MINPP1: variants seen among roughly 807,000 people sequenced by gnomAD.
The protein encoded by MINPP1 is multiple inositol polyphosphate phosphatase 1.
Under a neutral mutation model 46.1 loss-of-function variants are expected in MINPP1, and 28 were observed. The observed-to-expected ratio is 0.61, with a 90% CI of 0.45 to 0.83. MINPP1 has a LOEUF of 0.83. Among genes scored for constraint, MINPP1 ranks in the 40% least tolerant of loss-of-function variants. The pLI is 0.00. For synonymous variants in MINPP1, 268 were observed against 249.1 expected (o/e 1.08, Z -0.72); for missense variants, 603 against 610.0 (o/e 0.99, Z 0.12).
chr10:87,513,874 G>GCCGT (rs1363513941), intron 3 of MINPP1, among the ~76,000 whole-genome samples: 6 of 152,162 alleles, frequency 3.9e-5, no homozygotes, highest in Non-Finnish European at 8.8e-5. Context: ...TATCAATAGA[G>GCCGT]CCGTATACAA....
At chr10:87,521,424 C>G (rs1293512446) in intron 4 of MINPP1, among the ~76,000 whole-genome samples, 1 of 152,148 alleles carries the variant, frequency 6.6e-6, no homozygotes, top group Non-Finnish European at 1.5e-5. Flanking sequence ...ATTCCATTTT[C>G]CTGCCTCCTC....
At chr10:87,548,698 T>C (rs1257058688) in intron 4 of MINPP1, among the ~76,000 whole-genome samples, 1 of 152,098 alleles carries the variant, frequency 6.6e-6, no homozygotes, top group African/African-American at 2.4e-5. Flanking sequence ...TTATTCCCTA[T>C]AGGCACATTT....
chr10:87,517,241 ATGATCT>A (rs1229373379), intron 3 of MINPP1, among the ~76,000 whole-genome samples: 1 of 152,248 alleles, frequency 6.6e-6, no homozygotes, highest in African/African-American at 2.4e-5. Context: ...GGAATTTAAA[ATGATCT>A]TGACCTGTTG....
At chr10:87,511,891 T>C (rs1315723327) in intron 2 of MINPP1, among the ~76,000 whole-genome samples, 1 of 152,232 alleles carries the variant, frequency 6.6e-6, no homozygotes, top group African/African-American at 2.4e-5. Context: ...ACCTTTTCTT[T>C]ACGTAAGCAA....
intron 4 of MINPP1, among the ~76,000 whole-genome samples, chr10:87,535,132 G>A (rs1236167137): frequency 1.3e-5 from 2 of 152,244 alleles, no homozygotes; most frequent in Non-Finnish European, 2.9e-5. Context: ...TGGCTTCTGT[G>A]TGGATGTAAG....
intron 4 of MINPP1, among the ~76,000 whole-genome samples, chr10:87,537,728 G>A (rs1318044608): frequency 6.6e-6 from 1 of 151,842 alleles, no homozygotes; most frequent in Non-Finnish European, 1.5e-5. Flanking sequence ...TTCCCACTCT[G>A]GCTTATGTGA....
chr10:87,540,242 A>G (rs2131835993), intron 4 of MINPP1, among the ~76,000 whole-genome samples: 1 of 152,300 alleles, frequency 6.6e-6, no homozygotes, highest in East Asian at 1.9e-4. Flanking sequence ...TGTTTATTGA[A>G]TGGTAGTGAC....
intron 3 of MINPP1, among the ~76,000 whole-genome samples, chr10:87,517,477 G>T (rs546463523): frequency 6.6e-6 from 1 of 152,014 alleles, no homozygotes; most frequent in Non-Finnish European, 1.5e-5. Flanking sequence ...TATATTTGTC[G>T]AAAGTCATCA....
Position 87,504,907 on chromosome 10 carries a change from G to A in MINPP1, c.-9G>A, listed in dbSNP as rs1369068106. The A allele has an allele frequency of 1.9e-6, 3 of 1,609,218 alleles. No individual in the cohort carries two copies. Among genetic ancestry groups the A allele is most frequent in the South Asian group, 1.1e-5 (1 of 90,720 alleles). The stretch of plus-strand genomic sequence containing the variant: ...GCTGGCTCGGCGCACTCCACTGACC[G>A]TCCCGACGATGCTACGCGCGCCCGG... On this transcript the variant is annotated 5_prime_UTR_variant, in exon 1 of 5. Coordinates refer to ENST00000371996, the MANE Select transcript of MINPP1 (RefSeq NM_004897.5).
intron 3 of MINPP1, among the ~76,000 whole-genome samples, chr10:87,513,877 G>C (rs550218896): frequency 6.6e-6 from 1 of 151,986 alleles, no homozygotes; most frequent in Non-Finnish European, 1.5e-5. Flanking sequence ...CAATAGAGCC[G>C]TATACAATAG....
intron 1 of MINPP1, chr10:87,507,818 AC>A (rs1315251421): frequency 3.7e-4 from 381 of 1,023,230 alleles, no homozygotes; most frequent in Middle Eastern, 4.8e-4. Context: ...AGCACAGGAG[AC>A]CCAAAACATC....
intron 4 of MINPP1, among the ~76,000 whole-genome samples, chr10:87,532,960 T>G (rs901278894): frequency 4.0e-5 from 6 of 149,848 alleles, no homozygotes; most frequent in Non-Finnish European, 5.9e-5. Flanking sequence ...TTTTTCCTGA[T>G]CTCTTCTATC....
chr10:87,536,707 A>C (rs1851740769), intron 4 of MINPP1, among the ~76,000 whole-genome samples: 2 of 152,146 alleles, frequency 1.3e-5, no homozygotes, highest in Non-Finnish European at 2.9e-5. Context: ...TGTAAGATTC[A>C]TCTGTGTTGC....
At position 87,505,584 on chromosome 10, in the gene MINPP1, G is replaced by C. The variant is rs749403575; in HGVS notation, c.637+32G>C. On this transcript the variant is annotated intron_variant, in intron 1 of 4. Coordinates refer to ENST00000371996, the MANE Select transcript of MINPP1 (RefSeq NM_004897.5). The surrounding 1 kb of genome is among the most constrained non-coding windows in gnomAD (Gnocchi z 4.4). Reference sequence around the variant, plus strand: ...CCCCGGGCGGCCCGTGTGCTGTCCCGGTCCTCCCACCCGCCCTGGATGCTC... The same window carrying C: ...CCCCGGGCGGCCCGTGTGCTGTCCCCGTCCTCCCACCCGCCCTGGATGCTC... The C allele has an allele frequency of 1.3e-6, 2 of 1,578,502 alleles. No homozygotes were observed. The highest frequency in any genetic ancestry group is 2.3e-5 in the East Asian group (1 of 43,574).
intron 3 of MINPP1, among the ~76,000 whole-genome samples, chr10:87,513,428 A>G (rs1851365455): frequency 6.6e-6 from 1 of 152,196 alleles, no homozygotes; most frequent in Non-Finnish European, 1.5e-5. Context: ...TTTAGGTTCA[A>G]AAAACTCTGG....
chr10:87,516,741 T>G lies in MINPP1; in HGVS notation c.933+3520T>G, dbSNP rs1284303114. ...TAAAAGTCATTTATGTTATCCATTA[T>G]TTGCTGAATTAAGCAAATATATCTT... On this transcript the variant is annotated intron_variant, in intron 3 of 4. Transcript: ENST00000371996. 1.9e-4 allele frequency among the ~76,000 whole-genome samples: 12 copies of G among 64,772 alleles called. 4 individuals carry two copies. The highest frequency in any genetic ancestry group is 1.6e-3 in the Admixed American group (11 of 6,942). The allele number at this position is 64,772 out of a possible 152,430, so 42.5% of individuals were successfully genotyped here. A position where few individuals can be genotyped will look rare whatever the true frequency, so the allele number is the denominator to read the frequency against.
At chr10:87,508,287 C>A in intron 1 of MINPP1, 49 bp from the exon 2 acceptor site, 1 of 1,600,044 alleles carries the variant, frequency 6.2e-7, no homozygotes, top group South Asian at 1.1e-5. Context: ...TTGAAACTGT[C>A]ATTTATGTCA....
intron 4 of MINPP1, among the ~76,000 whole-genome samples, chr10:87,522,688 A>G (rs904022167): frequency 1.3e-5 from 2 of 152,194 alleles, no homozygotes; most frequent in African/African-American, 2.4e-5. Flanking sequence ...GTTTTGCCTC[A>G]GGTGTTGAGG....
In MINPP1 at chr10:87,538,884, GA is replaced by G. The variant is rs1490306486; in HGVS notation, c.1068-13194del. 2.6e-5 allele frequency among the ~76,000 whole-genome samples: 4 copies of G among 152,208 alleles called. No individual in the cohort carries two copies. The South Asian group carries it at 8.3e-4, about 31-fold the overall frequency. ...AGATCTAGCTGAGTACATTTGGGGG[GA>G]AAACATGCAATTATTAGTTGTTTTT... On this transcript the variant is annotated intron_variant, in intron 4 of 4. Coordinates refer to ENST00000371996, the MANE Select transcript of MINPP1 (RefSeq NM_004897.5).
Sources: gnomAD v4.1 joint callset for allele counts (sites outside exome capture counted in the v4.1 genomes callset) on GRCh38, gnomAD v4.1.1 for gene constraint, Gnocchi (gnomAD v3.1) non-coding constraint, MANE v1.5 for transcripts, NCBI Gene and HGNC (gene_info 2026-07-23, HGNC 2026-07-21) for gene names.